The following PPARGC1A variants were observed in gnomAD, a reference collection of about 807,000 sequenced individuals.
The protein encoded by PPARGC1A is PPARG coactivator 1 alpha.
Under a neutral mutation model 88.7 loss-of-function variants are expected in PPARGC1A, and 25 were observed. The ratio of observed to expected loss-of-function variants is 0.28; its 90% confidence interval spans 0.21 to 0.39. The LOEUF is 0.39. Ranked by LOEUF, PPARGC1A falls within the 10% of genes least tolerant of loss-of-function variation. The pLI is 1.00. For synonymous variants in PPARGC1A, 363 were observed against 355.6 expected, an observed-to-expected ratio of 1.02 and a Z score of -0.24; for missense variants, 880 against 968.7, an observed-to-expected ratio of 0.91 and a Z score of 1.22.
the PPARGC1A span, among the ~76,000 whole-genome samples, chr4:24,300,469 A>T: frequency 6.6e-6 from 1 of 151,300 alleles, no homozygotes; most frequent in Non-Finnish European, 1.5e-5. Flanking sequence ...GGCTGTGTAA[A>T]AATAAGTATG....
chr4:24,178,950 CT>C, the PPARGC1A span, among the ~76,000 whole-genome samples: 3 of 152,124 alleles, frequency 2.0e-5, no homozygotes, highest in Non-Finnish European at 4.4e-5. Context: ...TAATCATAAC[CT>C]ATTCCGTATT....
chr4:24,034,218 T>A, the PPARGC1A span, among the ~76,000 whole-genome samples: 6 of 152,204 alleles, frequency 3.9e-5, no homozygotes, highest in Non-Finnish European at 8.8e-5. Flanking sequence ...AATATCCATA[T>A]TCTATTTTGT....
the PPARGC1A span, among the ~76,000 whole-genome samples, chr4:24,441,286 C>T: frequency 7.2e-5 from 11 of 152,190 alleles, no homozygotes; most frequent in East Asian, 1.9e-3. Flanking sequence ...ACCACTTCTT[C>T]TTCTAGCTTT....
chr4:23,851,437 C>T (rs921761668), intron 2 of PPARGC1A, among the ~76,000 whole-genome samples: 3 of 152,126 alleles, frequency 2.0e-5, no homozygotes, highest in Non-Finnish European at 4.4e-5. Flanking sequence ...ACCACAGAAT[C>T]TTAGGAAATG....
At chr4:24,018,029 A>G in the PPARGC1A span, among the ~76,000 whole-genome samples, 14 of 152,204 alleles carry the variant, frequency 9.2e-5, no homozygotes, top group African/African-American at 2.7e-4. Context: ...AAAGTTCCAG[A>G]ACTCTAAGGG....
At chr4:24,077,504 G>C in the PPARGC1A span, among the ~76,000 whole-genome samples, 1 of 151,588 alleles carries the variant, frequency 6.6e-6, no homozygotes, top group Non-Finnish European at 1.5e-5. Flanking sequence ...GCTCCAAGTA[G>C]TGTTTTTTCA....
chr4:24,183,811 A>AT, the PPARGC1A span, among the ~76,000 whole-genome samples: 1 of 152,128 alleles, frequency 6.6e-6, no homozygotes, highest in Non-Finnish European at 1.5e-5. Context: ...CCTCACGGAA[A>AT]TTTTTTTTAA....
the PPARGC1A span, among the ~76,000 whole-genome samples, chr4:24,347,082 C>A: frequency 1.3e-5 from 2 of 152,118 alleles, no homozygotes; most frequent in African/African-American, 4.8e-5. Context: ...TTTGAAGGTT[C>A]CTTTTGGAGT....
At chr4:23,996,004 T>A in the PPARGC1A span, among the ~76,000 whole-genome samples, 1 of 152,162 alleles carries the variant, frequency 6.6e-6, no homozygotes, top group African/African-American at 2.4e-5. Flanking sequence ...GTGCAAAGAA[T>A]GTCATCCTAG....
chr4:24,420,130 A>G, the PPARGC1A span, among the ~76,000 whole-genome samples: 1 of 152,236 alleles, frequency 6.6e-6, no homozygotes, highest in East Asian at 1.9e-4. Context: ...CCAAAAGCGT[A>G]TGCACCTTTT....
the PPARGC1A span, among the ~76,000 whole-genome samples, chr4:24,345,144 T>C: frequency 1.3e-5 from 2 of 152,218 alleles, no homozygotes; most frequent in African/African-American, 2.4e-5. Flanking sequence ...ACCACACTGT[T>C]TCGGTGACTA....
chr4:24,392,111 C>T, the PPARGC1A span, among the ~76,000 whole-genome samples: 1 of 152,050 alleles, frequency 6.6e-6, no homozygotes, highest in South Asian at 2.1e-4. Context: ...TTGTCATTCG[C>T]TTTTTTCCTG....
At chr4:23,899,764 T>C (rs1719068314), upstream of PPARGC1A, among the ~76,000 whole-genome samples, 1 of 152,032 alleles carries the variant, frequency 6.6e-6, no homozygotes, top group South Asian at 2.1e-4. Flanking sequence ...CCATGGGTGG[T>C]GGTTTGGGGC....
At chr4:24,145,293 C>T in the PPARGC1A span, among the ~76,000 whole-genome samples, 1 of 152,084 alleles carries the variant, frequency 6.6e-6, no homozygotes, top group South Asian at 2.1e-4. Context: ...GGCTTCAAAC[C>T]CACCCTGCAC....
At chr4:24,164,675 G>C in the PPARGC1A span, among the ~76,000 whole-genome samples, 1 of 152,192 alleles carries the variant, frequency 6.6e-6, no homozygotes, top group Admixed American at 6.5e-5. Context: ...TAGAGAATCT[G>C]TTTTAAAATT....
chr4:24,229,093 G>A, the PPARGC1A span, among the ~76,000 whole-genome samples: 263 of 150,070 alleles, frequency 1.8e-3, no homozygotes, highest in African/African-American at 5.8e-3. Flanking sequence ...CTGAGGACTG[G>A]GCCCCACTTC....
At chr4:24,224,056 C>T in the PPARGC1A span, among the ~76,000 whole-genome samples, 1 of 152,218 alleles carries the variant, frequency 6.6e-6, no homozygotes, top group Non-Finnish European at 1.5e-5. Flanking sequence ...CACCAACCTA[C>T]ATTCCAGTAA....
chr4:23,919,611 CTCTCT>C, the PPARGC1A span, among the ~76,000 whole-genome samples: 10 of 151,318 alleles, frequency 6.6e-5, no homozygotes, highest in Non-Finnish European at 1.3e-4. Flanking sequence ...TTTGCTTACT[CTCTCT>C]TCTAAGTTCC....
chr4:24,146,388 A>T, the PPARGC1A span, among the ~76,000 whole-genome samples: 5 of 152,220 alleles, frequency 3.3e-5, no homozygotes, highest in Admixed American at 6.5e-5. Context: ...CTTCATTTTG[A>T]AGGACTCGGT....
Sources: allele counts gnomAD v4.1 joint callset (sites outside exome capture counted in the v4.1 genomes callset), GRCh38; gene constraint gnomAD v4.1.1; transcripts MANE v1.5; gene names NCBI Gene and HGNC (gene_info 2026-07-23, HGNC 2026-07-21).